Variants in SLC22A13 observed in about 807,000 individuals in gnomAD.
SLC22A13 encodes organic anion transporter 10.
Under a neutral mutation model 49.1 loss-of-function variants are expected in SLC22A13, and 42 were observed. The observed-to-expected ratio is 0.85, with a 90% CI of 0.67 to 1.11. The LOEUF is 1.11. Among genes scored for constraint, SLC22A13 ranks in the 50% least tolerant of loss-of-function variants. SLC22A13 has a pLI of 0.00. For synonymous variants in SLC22A13, 282 were observed against 293.1 expected (o/e 0.96, Z 0.39); for missense variants, 694 against 712.8 (o/e 0.97, Z 0.30).
Position 38,274,391 on chromosome 3 carries a change from T to TG in SLC22A13, c.482+17dup. The TG allele has an allele frequency of 6.2e-7, 1 of 1,601,952 alleles. No homozygotes were observed. Among genetic ancestry groups the TG allele is most frequent in the Non-Finnish European group, 8.6e-7 (1 of 1,168,900 alleles). On this transcript the variant is annotated intron_variant, in intron 2 of 9. Transcript: ENST00000311856. Reference sequence around the variant, plus strand: ...TCTGCGACCGGTAAGAACCTTGCCCTGCCCACTCCCTGCCTAGCAAGCTCG... The same window carrying TG: ...TCTGCGACCGGTAAGAACCTTGCCCTGGCCCACTCCCTGCCTAGCAAGCTCG...
chr3:38,277,497 C>T lies in SLC22A13; in HGVS notation c.*32C>T. The T allele has an allele frequency of 6.5e-7, 1 of 1,534,904 alleles. No individual in the cohort carries two copies. Among genetic ancestry groups the T allele is most frequent in the South Asian group, 1.1e-5 (1 of 88,486 alleles). On this transcript the variant is annotated 3_prime_UTR_variant, in exon 10 of 10. Transcript: ENST00000311856. ...TCTCTAAGAGCTGGACCATCAGCAG[C>T]AGGGAGCTGCCTAAACACCTCCTTG...
intron 4 of SLC22A13, 27 bp downstream of exon 4, chr3:38,275,184 G>A: frequency 6.2e-7 from 1 of 1,612,780 alleles, no homozygotes; most frequent in Non-Finnish European, 8.5e-7. Context: ...CCAGGAGCAA[G>A]CCCCCCCAGG....
chr3:38,267,922 A>G (rs1478803544), intron 1 of SLC22A13, among the ~76,000 whole-genome samples: 1 of 152,138 alleles, frequency 6.6e-6, no homozygotes, highest in Admixed American at 6.6e-5. Context: ...AGCAGGCAGG[A>G]TGTCTGGGGA....
chr3:38,278,686 G>T lies in SLC22A13; in HGVS notation c.*1221G>T, dbSNP rs1703613844. On this transcript the variant is annotated 3_prime_UTR_variant, in exon 10 of 10. Transcript: ENST00000311856. ...AATACAAAAATTAGCCCTATATGGTGGTGCATGCCTGTAATCCCAGCTACT... is the reference window on the plus strand; with the variant it reads ...AATACAAAAATTAGCCCTATATGGTTGTGCATGCCTGTAATCCCAGCTACT... Among the ~76,000 whole-genome samples the T allele has an allele frequency of 6.6e-6, 1 of 152,044 alleles. No homozygotes were observed. Among genetic ancestry groups the T allele is most frequent in the Non-Finnish European group, 1.5e-5 (1 of 67,990 alleles).
chr3:38,266,756 G>A (rs1473771751), intron 1 of SLC22A13, among the ~76,000 whole-genome samples: 2 of 152,134 alleles, frequency 1.3e-5, no homozygotes, highest in African/African-American at 2.4e-5. Flanking sequence ...CCCTTGGGAC[G>A]CTGGAGAACA....
Position 38,275,093 on chromosome 3 carries a change from C to T in SLC22A13, c.742C>T (p.Arg248Cys), listed in dbSNP as rs762458286. Residue 248 changes from arginine to cysteine, a missense_variant, in exon 4 of 10, where the codon CGC becomes TGC. Arg to Cys is a radical substitution (Grantham distance 180, BLOSUM62 -3). Transcript: ENST00000311856. ...GCTTGCGGGACTCGCCTACGGTTTC[C>T]GCAACTGGAGGCTCCTTCAGATCAC... ...MVLAGLAYGFRNWRLLQITGT... is the reference protein window; with the variant it reads ...MVLAGLAYGFCNWRLLQITGT... The T allele has an allele frequency of 4.6e-5, 74 of 1,614,114 alleles. No homozygotes were observed. The highest frequency in any genetic ancestry group is 6.7e-5 in the African/African-American group (5 of 74,942).
rs531419747 is a variant in SLC22A13, at chr3:38,266,209, G to C, written c.349G>C (p.Glu117Gln). ...TTGTGATATGGGCTGGGAATATCCT[G>C]AGAACAGGCTCCCATCCCTGAAGAA... The part of the protein sequence containing the change: ...QPCDMGWEYP[E>Q]NRLPSLKNEF... The change falls in exon 1 of 10, where the codon GAG (glutamate) becomes CAG (glutamine). Residue 117 changes from glutamate (E) to glutamine (Q), a missense_variant. Transcript: ENST00000311856. The C allele has an allele frequency of 4.3e-6, 7 of 1,614,172 alleles. No individual in the cohort carries two copies. The African/African-American group carries it at 9.3e-5, about 22-fold the overall frequency.
Position 38,276,956 on chromosome 3 carries a change from G to A in SLC22A13, c.1391G>A (p.Gly464Asp), listed in dbSNP as rs553883469. 9 of 1,613,794 alleles carry A rather than the reference G, an allele frequency of 5.6e-6. No homozygotes were observed. The African/African-American group carries it at 9.3e-5, about 17-fold the overall frequency. The change falls in exon 9 of 10, where the codon GGC becomes GAC. Residue 464 changes from glycine to aspartate, a missense_variant. Transcript: ENST00000311856. ...GLVGIFSRIG[G>D]ILTPLVILLG... Reference sequence around the variant, plus strand: ...GTGGGCATCTTCTCACGGATCGGGGGCATCCTCACACCACTTGTGATCCTG... The same window carrying A: ...GTGGGCATCTTCTCACGGATCGGGGACATCCTCACACCACTTGTGATCCTG...
rs150286511 is a variant in SLC22A13 at position 38,276,372 on chromosome 3, C to T, written c.1323C>T (p.Ala441=). Residue 441 remains alanine, a synonymous_variant, in exon 8 of 10, where the codon GCC becomes GCT. Transcript: ENST00000311856. ...AAFTISYVYS[A]ELFPTILRQT... The stretch of plus-strand genomic sequence containing the variant: ...TTACCATCTCCTATGTGTACTCTGC[C>T]GAGCTTTTCCCCACCATCCTCCGGT... The T allele has an allele frequency of 4.9e-4, 790 of 1,612,086 alleles. 1 individual carries two copies. The highest frequency in any genetic ancestry group is 6.4e-4 in the African/African-American group (48 of 74,984).
At position 38,277,008 on chromosome 3, in the gene SLC22A13, C is replaced by T. The variant is rs72551366; in HGVS notation, c.1443C>T (p.Pro481=). The change falls in exon 9 of 10, where the codon CCC becomes CCT. Residue 481 remains proline (P), a synonymous_variant. Transcript: ENST00000311856. ...ILLGEYHAAL[P]MLIYGSLPIV... The stretch of plus-strand genomic sequence containing the variant: ...TGGGAGAGTACCACGCTGCCCTCCC[C>T]ATGCTCATCTACGGCAGCCTCCCCA... 3.1e-6 allele frequency: 5 copies of T among 1,610,798 alleles called. No individual in the cohort carries two copies. The highest frequency in any genetic ancestry group is 4.2e-6 in the Non-Finnish European group (5 of 1,178,684).
At position 38,266,130 on chromosome 3, in the gene SLC22A13, C is replaced by A; in HGVS notation, c.270C>A (p.Pro90=). 1.9e-6 allele frequency: 3 copies of A among 1,614,162 alleles called. No individual in the cohort carries two copies. Among genetic ancestry groups the A allele is most frequent in the Non-Finnish European group, 2.5e-6 (3 of 1,180,038 alleles). The stretch of plus-strand genomic sequence containing the variant: ...CCTGCCTCATGTTCCGGCCACCCCC[C>A]GCCAATGCCAGCCTGCAGGACATCC... ...PEPCLMFRPP[P]ANASLQDILS... The change falls in exon 1 of 10, where the codon CCC becomes CCA. Residue 90 remains proline, a synonymous_variant. Transcript: ENST00000311856.
At chr3:38,275,339 C>T (rs1346856897) in intron 4 of SLC22A13, 31 bp from the exon 5 acceptor site, 1 of 1,613,634 alleles carries the variant, frequency 6.2e-7, no homozygotes, top group East Asian at 2.2e-5. Flanking sequence ...GGACTCCAGG[C>T]CCCAAGGTCA....
At position 38,277,050 on chromosome 3, in the gene SLC22A13, G is replaced by C. The variant is rs1334034788; in HGVS notation, c.1485G>C (p.Leu495=). 6.3e-7 allele frequency: 1 copy of C among 1,595,660 alleles called. No individual in the cohort carries two copies. Among genetic ancestry groups the C allele is most frequent in the South Asian group, 1.1e-5 (1 of 88,170 alleles). ...GCCTCCCCATCGTGGCCGGCCTGCT[G>C]TGCACCCTGCTGCCAGAGACGCATG... ...YGSLPIVAGL[L]CTLLPETHGQ... The change falls in exon 9 of 10, where the codon CTG becomes CTC. Residue 495 remains leucine (L), a synonymous_variant. Coordinates refer to ENST00000311856, the MANE Select transcript of SLC22A13 (RefSeq NM_004256.4).
chr3:38,277,522 G>A lies in SLC22A13; in HGVS notation c.*57G>A, dbSNP rs760842973. The A allele has an allele frequency of 3.7e-6, 5 of 1,338,208 alleles. No individual in the cohort carries two copies. Among genetic ancestry groups the A allele is most frequent in the Non-Finnish European group, 5.3e-6 (5 of 938,652 alleles). The allele number at this position is 1,338,208 out of a possible 1,614,324, so 82.9% of individuals were successfully genotyped here. Reference sequence around the variant, plus strand: ...CAGGGAGCTGCCTAAACACCTCCTTGGATATGGCCAGGACCCACAGGGACA... The same window carrying A: ...CAGGGAGCTGCCTAAACACCTCCTTAGATATGGCCAGGACCCACAGGGACA... On this transcript the variant is annotated 3_prime_UTR_variant, in exon 10 of 10. Transcript: ENST00000311856.
At chr3:38,266,925 T>C (rs1413065215) in intron 1 of SLC22A13, among the ~76,000 whole-genome samples, 1 of 152,110 alleles carries the variant, frequency 6.6e-6, no homozygotes, top group East Asian at 1.9e-4. Context: ...GCTTCCCAGA[T>C]GTTGGGGTTG....
rs145448927 is a variant in SLC22A13, at chr3:38,275,942, C to T, written c.1083C>T (p.Asp361=). ...LSLQVGDFGL[D]VYLTQLIFGA... is the part of the protein sequence containing the mutation. ...TCCAAGTGGGGGACTTCGGCCTGGA[C>T]GTCTATCTGACGCAGCTCATCTTTG... The change falls in exon 7 of 10, where the codon GAC becomes GAT. Residue 361 remains aspartate, a synonymous_variant. Transcript: ENST00000311856. 3.8e-5 allele frequency: 62 copies of T among 1,614,216 alleles called. No individual in the cohort carries two copies. In the African/African-American group the frequency reaches 5.2e-4, roughly 14 times the overall value.
At chr3:38,276,136 C>A in intron 7 of SLC22A13, 40 bp downstream of exon 7, 1 of 1,568,146 alleles carries the variant, frequency 6.4e-7, no homozygotes, top group Non-Finnish European at 8.8e-7. Context: ...TGCCCCCTCA[C>A]CCACCGGCTG....
intron 1 of SLC22A13, among the ~76,000 whole-genome samples, chr3:38,273,225 A>G (rs1360977630): frequency 3.3e-5 from 5 of 152,176 alleles, no homozygotes; most frequent in African/African-American, 1.2e-4. Flanking sequence ...AAGTGAGTCA[A>G]GTGCACATAC....
At position 38,265,817 on chromosome 3, in the gene SLC22A13, G is replaced by A; in HGVS notation, c.-44G>A. ...CAAGTTCCCAGAGCCAAGCTACAGA[G>A]CTACCCTAGTGTCCCCAGGCTGAGG... On this transcript the variant is annotated 5_prime_UTR_variant, in exon 1 of 10. Transcript: ENST00000311856. 4.4e-6 allele frequency: 7 copies of A among 1,595,372 alleles called. No homozygotes were observed. Among genetic ancestry groups the A allele is most frequent in the Non-Finnish European group, 5.1e-6 (6 of 1,167,218 alleles).
Sources: allele counts gnomAD v4.1 joint callset (sites outside exome capture counted in the v4.1 genomes callset), GRCh38; gene constraint gnomAD v4.1.1; transcripts MANE v1.5; gene names NCBI Gene and HGNC (gene_info 2026-07-23, HGNC 2026-07-21).